Variants in XCR1 observed in about 807,000 individuals in gnomAD.
The protein encoded by XCR1 is chemokine XC receptor 1.
For missense variants in XCR1, 356 were observed against 424.2 expected (o/e 0.84, Z 1.41); for synonymous variants, 187 against 188.5 (o/e 0.99, Z 0.06).
At chr3:46,060,936 G>A (rs992984643) in intron 4 of XCR1, among the ~76,000 whole-genome samples, 1 of 152,196 alleles carries the variant, frequency 6.6e-6, no homozygotes, top group East Asian at 1.9e-4. Flanking sequence ...AAATTGAATA[G>A]GCATAAGCCC....
chr3:46,034,201 ACAT>A (rs1697374291), intron 5 of XCR1, among the ~76,000 whole-genome samples: 1 of 152,136 alleles, frequency 6.6e-6, no homozygotes, highest in South Asian at 2.1e-4. Flanking sequence ...CGAACTCCTG[ACAT>A]CAGGTGATCC....
At chr3:46,047,314 G>C (rs141228286) in intron 5 of XCR1, among the ~76,000 whole-genome samples, 19 of 152,304 alleles carry the variant, frequency 1.2e-4, no homozygotes, top group African/African-American at 4.3e-4. Context: ...GCAGCCCAAG[G>C]CTCGGACAGA....
rs1382956503 is a variant in XCR1 at position 46,077,810 on chromosome 3, A to C, written c.-514-884T>G. Among the ~76,000 whole-genome samples, 3 of 152,208 alleles carry C rather than the reference A, an allele frequency of 2.0e-5. No homozygotes were observed. The East Asian group carries it at 5.8e-4, about 29-fold the overall frequency. ...GATGCAGCTGGAGACAATTATTCTAAGTGAATTAACACAGGAACAGAATAC... is the reference window on the plus strand; with the variant it reads ...GATGCAGCTGGAGACAATTATTCTACGTGAATTAACACAGGAACAGAATAC... On this transcript the variant is annotated intron_variant, in intron 1 of 5. Transcript: ENST00000683768.
At chr3:46,054,878 A>ACATGTCT (rs1697824305) in intron 4 of XCR1, among the ~76,000 whole-genome samples, 1 of 152,238 alleles carries the variant, frequency 6.6e-6, no homozygotes, top group Non-Finnish European at 1.5e-5. Context: ...CTGAATAAGA[A>ACATGTCT]GTGGTCCACA....
intron 4 of XCR1, among the ~76,000 whole-genome samples, chr3:46,059,158 C>G (rs143294752): frequency 2.6e-5 from 4 of 152,188 alleles, no homozygotes; most frequent in Admixed American, 2.6e-4. Context: ...GCCCATATAC[C>G]TATAGAGCTG....
At chr3:46,083,189 T>A (rs1401044885) in intron 1 of XCR1, among the ~76,000 whole-genome samples, 1 of 152,218 alleles carries the variant, frequency 6.6e-6, no homozygotes, top group African/African-American at 2.4e-5. Flanking sequence ...CCTCCAGCTA[T>A]CAGGATCCTG....
At chr3:46,085,801 A>T (rs976963691) in exon 1 of XCR1, among the ~76,000 whole-genome samples, 1 of 152,236 alleles carries the variant, frequency 6.6e-6, no homozygotes, top group African/African-American at 2.4e-5. Flanking sequence ...TACTTGGTGT[A>T]GTCCTTGGTG....
At position 46,021,000 on chromosome 3, in the gene XCR1, G is replaced by A. The variant is rs922598896; in HGVS notation, c.948C>T (p.Ala316=). The A allele has an allele frequency of 6.2e-7, 1 of 1,613,048 alleles. No homozygotes were observed. Among genetic ancestry groups the A allele is most frequent in the Non-Finnish European group, 8.5e-7 (1 of 1,179,440 alleles). Residue 316 remains alanine, a synonymous_variant, in exon 2 of 2, where the codon GCC becomes GCT. Transcript: ENST00000309285. ...AGGCACCAGGGGAGTGGGGGATCGA[G>A]GCTGGGCTGGGTGCCTGCAGCCGGC... ...WFCRLQAPSP[A]SIPHSPGAFA...
At chr3:46,067,524 A>G (rs758390992) in intron 3 of XCR1, among the ~76,000 whole-genome samples, 11 of 152,156 alleles carry the variant, frequency 7.2e-5, no homozygotes, top group Non-Finnish European at 1.3e-4. Flanking sequence ...TGTCACCCAT[A>G]GCACATTCTT....
At chr3:46,081,259 A>G (rs116620510) in intron 1 of XCR1, among the ~76,000 whole-genome samples, 214 of 152,278 alleles carry the variant, frequency 1.4e-3, no homozygotes, top group African/African-American at 5.0e-3. Context: ...TAAAAACTCA[A>G]TGGCCAAACT....
At chr3:46,084,975 T>C (rs4683177) in intron 1 of XCR1, among the ~76,000 whole-genome samples, 127,431 of 152,064 alleles carry the variant, frequency 0.84, 53,988 homozygotes, top group East Asian at 0.99. Context: ...TTTTAAAGCC[T>C]GAATGCAACA....
At chr3:46,023,792 C>G in intron 1 of XCR1, 1 of 1,541,778 alleles carries the variant, frequency 6.5e-7, no homozygotes. Context: ...GATGATAAAA[C>G]AATTATAGAG....
At chr3:46,056,454 A>G (rs1171626791) in intron 4 of XCR1, among the ~76,000 whole-genome samples, 1 of 152,052 alleles carries the variant, frequency 6.6e-6, no homozygotes, top group Non-Finnish European at 1.5e-5. Flanking sequence ...ATTATTCTAG[A>G]AAGCAGTTTG....
intron 4 of XCR1, among the ~76,000 whole-genome samples, chr3:46,060,870 C>T (rs1405267040): frequency 6.6e-6 from 1 of 152,176 alleles, no homozygotes; most frequent in Non-Finnish European, 1.5e-5. Flanking sequence ...ACAGGCCATT[C>T]CACTATTCTA....
rs999618153 is a variant in XCR1, at chr3:46,057,161, C to T, written c.-182-3091G>A. ...TTTTAGTTTTTAGAGGTGAGTCCTG[C>T]TATGTTTTCTAGGCTGGACTTAAAT... On this transcript the variant is annotated intron_variant, in intron 4 of 5. Coordinates refer to the XCR1 transcript ENST00000683768. Among the ~76,000 whole-genome samples, 10 of 152,256 alleles carry T rather than the reference C, an allele frequency of 6.6e-5. 1 individual carries two copies. In the South Asian group the frequency reaches 2.1e-3, roughly 32 times the overall value.
chr3:46,058,174 A>G (rs1357245948), intron 4 of XCR1, among the ~76,000 whole-genome samples: 1 of 152,164 alleles, frequency 6.6e-6, no homozygotes, highest in Non-Finnish European at 1.5e-5. Context: ...CTCTATTTCC[A>G]TTGGTAAAGA....
chr3:46,031,157 G>A (rs1708387301), upstream of XCR1, among the ~76,000 whole-genome samples: 1 of 152,230 alleles, frequency 6.6e-6, no homozygotes, highest in Non-Finnish European at 1.5e-5. Context: ...CTGAAGCCAT[G>A]GCTGTGACTT....
chr3:46,029,019 C>T (rs1708353381), upstream of XCR1, among the ~76,000 whole-genome samples: 1 of 152,230 alleles, frequency 6.6e-6, no homozygotes, highest in Non-Finnish European at 1.5e-5. Context: ...TAGCTCTGAA[C>T]TTTCAGTTAT....
chr3:46,026,852 G>T (rs1708300292), intron 1 of XCR1, among the ~76,000 whole-genome samples: 1 of 150,378 alleles, frequency 6.6e-6, no homozygotes, highest in Non-Finnish European at 1.5e-5. Flanking sequence ...AAAGTGCTGG[G>T]ATTACAGGTG....
Sources: gnomAD v4.1 joint callset for allele counts (sites outside exome capture counted in the v4.1 genomes callset) on GRCh38, gnomAD v4.1.1 for gene constraint, MANE v1.5 for transcripts, NCBI Gene and HGNC (gene_info 2026-07-23, HGNC 2026-07-21) for gene names.